The following GRM8 variants were observed in gnomAD, a reference collection of about 807,000 sequenced individuals.
GRM8 encodes metabotropic glutamate receptor 8.
A neutral mutation model predicts 87.2 loss-of-function variants in GRM8; 47 were observed. The observed-to-expected ratio is 0.54, with a 90% CI of 0.43 to 0.69. GRM8 has a LOEUF of 0.69. GRM8 is among the 30% of genes least tolerant of loss of function. The pLI is 0.00. For synonymous variants in GRM8, 396 were observed against 404.5 expected (o/e 0.98, Z 0.25); for missense variants, 1,019 against 1,139.2 (o/e 0.89, Z 1.52).
intron 6 of GRM8, among the ~76,000 whole-genome samples, chr7:126,883,280 A>G (rs747937382): frequency 6.6e-6 from 1 of 152,218 alleles, no homozygotes; most frequent in Non-Finnish European, 1.5e-5. Context: ...GTTCAGCCTC[A>G]TTTTAACTAT....
intron 8 of GRM8, among the ~76,000 whole-genome samples, chr7:126,570,178 T>A (rs1158196508): frequency 2.6e-5 from 4 of 152,216 alleles, no homozygotes; most frequent in Admixed American, 2.6e-4. Context: ...TCATCTTGTT[T>A]ATTTTCAATC....
At chr7:126,618,639 G>T (rs1204927554) in intron 7 of GRM8, among the ~76,000 whole-genome samples, 1 of 152,022 alleles carries the variant, frequency 6.6e-6, no homozygotes, top group Non-Finnish European at 1.5e-5. Flanking sequence ...CTGACAAAGG[G>T]CTAATATCCA....
chr7:127,015,064 G>GAAGAAGAAGAAAGA (rs1554568485), intron 3 of GRM8, among the ~76,000 whole-genome samples: 3 of 87,836 alleles, frequency 3.4e-5, no homozygotes, highest in African/African-American at 1.1e-4. Flanking sequence ...AGAAGAAGAA[G>GAAGAAGAAGAAAGA]AAGAAAGAAA....
At chr7:126,787,442 T>C (rs1441892701) in intron 6 of GRM8, among the ~76,000 whole-genome samples, 1 of 152,184 alleles carries the variant, frequency 6.6e-6, no homozygotes, top group Non-Finnish European at 1.5e-5. Context: ...CATTTGAAAT[T>C]AAATATGAAA....
chr7:127,090,015 C>A (rs547790632), intron 3 of GRM8, among the ~76,000 whole-genome samples: 2 of 152,282 alleles, frequency 1.3e-5, no homozygotes, highest in East Asian at 1.9e-4. Flanking sequence ...TGGCATAGAT[C>A]CCCACAGCAT....
intron 6 of GRM8, among the ~76,000 whole-genome samples, chr7:126,850,158 GT>G (rs1797084606): frequency 6.6e-6 from 1 of 152,116 alleles, no homozygotes; most frequent in South Asian, 2.1e-4. Context: ...CACTAATAAA[GT>G]TGCCAAACCG....
At chr7:126,939,751 C>G (rs1259687832) in intron 3 of GRM8, among the ~76,000 whole-genome samples, 2 of 152,116 alleles carry the variant, frequency 1.3e-5, no homozygotes, top group Non-Finnish European at 2.9e-5. Flanking sequence ...TTTTTGCAAG[C>G]CTGTTGTCCA....
intron 5 of GRM8, 147 bp from the exon 6 acceptor site, chr7:126,902,826 A>G: frequency 3.7e-6 from 2 of 545,924 alleles, no homozygotes; most frequent in East Asian, 3.1e-5. Flanking sequence ...TAGCCCATAA[A>G]TAAGGCCTCT....
intron 3 of GRM8, chr7:126,981,843 C>A: frequency 1.7e-5 from 1 of 60,360 alleles, no homozygotes; most frequent in East Asian, 2.9e-3. Context: ...TGTTCTTTTC[C>A]CTATACCTTT....
At chr7:126,788,137 C>T (rs1193950531) in intron 6 of GRM8, among the ~76,000 whole-genome samples, 1 of 151,698 alleles carries the variant, frequency 6.6e-6, no homozygotes, top group Admixed American at 6.6e-5. Context: ...CTGGCCGGTG[C>T]GATGGCTCAT....
intron 7 of GRM8, among the ~76,000 whole-genome samples, chr7:126,768,413 G>C (rs950880666): frequency 1.0e-4 from 14 of 136,780 alleles, no homozygotes; most frequent in Admixed American, 3.0e-4. Flanking sequence ...TTGGAGTCTA[G>C]AGGCAAATCC....
chr7:127,178,390 G>A (rs374461151), intron 2 of GRM8, among the ~76,000 whole-genome samples: 1 of 152,204 alleles, frequency 6.6e-6, no homozygotes, highest in Non-Finnish European at 1.5e-5. Context: ...TGGTGTTCCT[G>A]AGGAAGAATA....
At chr7:126,719,084 G>C (rs560501612) in intron 7 of GRM8, among the ~76,000 whole-genome samples, 74 of 152,266 alleles carry the variant, frequency 4.9e-4, no homozygotes, top group African/African-American at 1.7e-3. Flanking sequence ...GAAAAGGTGG[G>C]AGGGTTTAGA....
intron 7 of GRM8, among the ~76,000 whole-genome samples, chr7:126,730,820 T>C (rs1813502560): frequency 6.6e-6 from 1 of 152,290 alleles, no homozygotes; most frequent in East Asian, 1.9e-4. Flanking sequence ...ACAGGTAGTT[T>C]AGATACACAG....
At chr7:126,539,788 T>C (rs1230066698) in intron 8 of GRM8, among the ~76,000 whole-genome samples, 2 of 151,852 alleles carry the variant, frequency 1.3e-5, no homozygotes, top group Non-Finnish European at 2.9e-5. Context: ...TCACACTGTA[T>C]ATAAAAATTA....
At chr7:126,623,302 A>C (rs1000648989) in intron 7 of GRM8, among the ~76,000 whole-genome samples, 12 of 152,152 alleles carry the variant, frequency 7.9e-5, no homozygotes, top group African/African-American at 2.7e-4. Context: ...AAAAGTCTAA[A>C]TTTTTTTAAT....
chr7:126,704,340 C>T (rs1487826231), intron 7 of GRM8, among the ~76,000 whole-genome samples: 2 of 152,054 alleles, frequency 1.3e-5, no homozygotes, highest in Non-Finnish European at 2.9e-5. Context: ...TCTCTTAATC[C>T]CATCATTTTC....
At chr7:126,854,684 G>A (rs1797519336) in intron 6 of GRM8, among the ~76,000 whole-genome samples, 1 of 152,118 alleles carries the variant, frequency 6.6e-6, no homozygotes, top group African/African-American at 2.4e-5. Context: ...GTCTTCCTTA[G>A]CTGTTAAACC....
chr7:127,156,276 A>C (rs1387962094), intron 2 of GRM8, among the ~76,000 whole-genome samples: 1 of 152,108 alleles, frequency 6.6e-6, no homozygotes, highest in Non-Finnish European at 1.5e-5. Context: ...GCACCAGCCC[A>C]CCTTCGTAGC....
Sources: allele counts gnomAD v4.1 joint callset (sites outside exome capture counted in the v4.1 genomes callset), GRCh38; gene constraint gnomAD v4.1.1; transcripts MANE v1.5; gene names NCBI Gene and HGNC (gene_info 2026-07-23, HGNC 2026-07-21).